HSPH1: variants seen among roughly 807,000 people sequenced by gnomAD.
HSPH1 encodes the protein heat shock protein family H (Hsp110) member 1, also known as heat shock protein 105 kDa.
A neutral mutation model predicts 100.0 loss-of-function variants in HSPH1; 40 were observed. The ratio of observed to expected loss-of-function variants is 0.40; its 90% confidence interval spans 0.31 to 0.52. The LOEUF (loss-of-function observed/expected upper bound fraction) is 0.52. Among genes scored for constraint, HSPH1 ranks in the 20% least tolerant of loss-of-function variants. The pLI is 0.54. For synonymous variants in HSPH1, 403 were observed against 344.0 expected (o/e 1.17, Z -1.90); for missense variants, 876 against 1,015.1 (o/e 0.86, Z 1.86).
intron 8 of HSPH1, among the ~76,000 whole-genome samples, chr13:31,149,303 A>G (rs1444366593): frequency 1.3e-5 from 2 of 152,292 alleles, no homozygotes; most frequent in African/African-American, 2.4e-5. Flanking sequence ...CTTTGTTTAC[A>G]GAATCCTGTT....
intron 1 of HSPH1, among the ~76,000 whole-genome samples, chr13:31,161,228 T>C (rs1243596796): frequency 1.3e-5 from 2 of 152,140 alleles, no homozygotes; most frequent in African/African-American, 4.8e-5. Context: ...TGACGACCCT[T>C]AGAGTCTCGA....
rs553965596 is a variant in HSPH1 at position 31,141,158 on chromosome 13, T to C, written c.1818A>G (p.Leu606=). 3 of 1,607,000 alleles carry C rather than the reference T, an allele frequency of 1.9e-6. No individual in the cohort carries two copies. The East Asian group carries it at 6.7e-5, about 36-fold the overall frequency. Residue 606 remains leucine (L), a synonymous_variant, in exon 13 of 18, where the codon TTA becomes TTG. Coordinates refer to ENST00000320027, the MANE Select transcript of HSPH1 (RefSeq NM_006644.4). The stretch of plus-strand genomic sequence containing the variant: ...TATACATGTTAAGAAGGTCTTTCCC[T>C]AACTGCCAGACCAAGTTGGCTTCAA... ...LPIEANLVWQ[L]GKDLLNMYIE...
intron 5 of HSPH1, chr13:31,152,367 G>A (rs558432374): frequency 6.5e-6 from 1 of 152,728 alleles, no homozygotes; most frequent in East Asian, 1.9e-4. Context: ...AAAAGCTCAA[G>A]AAAGAGATGC....
intron 11 of HSPH1, among the ~76,000 whole-genome samples, chr13:31,144,977 A>G (rs1172452363): frequency 6.6e-6 from 1 of 152,188 alleles, no homozygotes; most frequent in African/African-American, 2.4e-5. Context: ...TTCCCTAGAA[A>G]TAAACTGTAA....
chr13:31,158,727 C>A (rs891798901), intron 2 of HSPH1, 79 bp downstream of exon 2: 7 of 867,076 alleles, frequency 8.1e-6, no homozygotes, highest in Middle Eastern at 2.2e-4. Flanking sequence ...CACACTTTAC[C>A]CTCTTATATG....
intron 1 of HSPH1, among the ~76,000 whole-genome samples, chr13:31,159,928 C>T (rs930825410): frequency 8.5e-5 from 13 of 152,164 alleles, no homozygotes; most frequent in Admixed American, 3.3e-4. Flanking sequence ...TAACCATACA[C>T]TTGCAGAATG....
Position 31,148,404 on chromosome 13 carries a change from A to G in HSPH1, c.1214T>C (p.Ile405Thr). 1.9e-6 allele frequency: 3 copies of G among 1,586,184 alleles called. No individual in the cohort carries two copies. The highest frequency in any genetic ancestry group is 2.6e-6 in the Non-Finnish European group (3 of 1,163,366). The change falls in exon 9 of 18, where the codon ATC becomes ACC. Residue 405 changes from isoleucine (I) to threonine (T), a missense_variant. Physicochemically the swap from Ile to Thr is moderately conservative, Grantham distance 89. Transcript: ENST00000320027. ...TDAVPFPISL[I>T]WNHDSEDTEG... ...AGTATCTTCTGAATCATGGTTCCAG[A>G]TCAGAGATATTGGAAAAGGAACTGC... is the stretch of plus-strand genomic sequence containing the variant.
rs371307957 is a variant in HSPH1, at chr13:31,143,766, T to C, written c.1716+26A>G. The C allele has an allele frequency of 9.7e-5, 154 of 1,583,196 alleles. 3 individuals are homozygous for C. The East Asian group carries it at 9.8e-4, about 10-fold the overall frequency. ...GATTACACTTTGCAACATTGTCTAATGGAATGAACTAGAAGAGTCACTCAC... is the reference window on the plus strand; with the variant it reads ...GATTACACTTTGCAACATTGTCTAACGGAATGAACTAGAAGAGTCACTCAC... On this transcript the variant is annotated intron_variant, in intron 12 of 17. Transcript: ENST00000320027.
At chr13:31,140,398 G>A in intron 13 of HSPH1, 89 bp from the exon 14 acceptor site, 1 of 1,269,474 alleles carries the variant, frequency 7.9e-7, no homozygotes, top group South Asian at 1.5e-5. Context: ...TAAAAAAAAT[G>A]ATACAAAACA....
At chr13:31,154,776 GTTT>G in intron 3 of HSPH1, 21 bp from the exon 4 acceptor site, 2 of 1,605,062 alleles carry the variant, frequency 1.2e-6, no homozygotes, top group Non-Finnish European at 8.5e-7. Context: ...GGGAAAAAAT[GTTT>G]TAAACATTGT....
intron 1 of HSPH1, 116 bp downstream of exon 1, chr13:31,161,360 C>T (rs1956902539): frequency 1.3e-6 from 2 of 1,491,336 alleles, no homozygotes; most frequent in Admixed American, 4.2e-5. Flanking sequence ...AGGGGTGCGC[C>T]GCTGCCCAAA....
chr13:31,161,978 T>TCACCGGCGCCTC (rs866079307), upstream of HSPH1: 3 of 1,536,016 alleles, frequency 2.0e-6, no homozygotes, highest in East Asian at 2.4e-5. Context: ...CGGCATTTAC[T>TCACCGGCGCCTC]CACCGGCGCC....
At position 31,158,947 on chromosome 13, in the gene HSPH1, T is replaced by G; in HGVS notation, c.108-84A>C. 15 of 850,610 alleles carry G rather than the reference T, an allele frequency of 1.8e-5. No homozygotes were observed. The South Asian group carries it at 1.9e-4, about 11-fold the overall frequency. 52.7% of individuals were successfully genotyped at this position (850,610 alleles called of 1,614,324 possible). On this transcript the variant is annotated intron_variant, in intron 1 of 17. Coordinates refer to ENST00000320027, the MANE Select transcript of HSPH1 (RefSeq NM_006644.4). The stretch of plus-strand genomic sequence containing the variant: ...TAAGAGAAAAATACTAACATAAATG[T>G]CCTACCCATTAGGGGATAGGGAACA...
rs980879611 is a variant in HSPH1 at position 31,136,116 on chromosome 13, G to A, written c.*1202C>T. ...CTACCTCCAACACTACTTCAATTTT[G>A]TGCTTACAAAACAACCAGATAGATT... On this transcript the variant is annotated 3_prime_UTR_variant, in exon 18 of 18. Coordinates refer to ENST00000320027, the MANE Select transcript of HSPH1 (RefSeq NM_006644.4). 2.0e-5 allele frequency: 3 copies of A among 151,988 alleles called. No homozygotes were observed. Among genetic ancestry groups the A allele is most frequent in the Non-Finnish European group, 4.4e-5 (3 of 67,998 alleles). The allele number at this position is 151,988 out of a possible 1,614,324, so 9.4% of individuals were successfully genotyped here.
chr13:31,147,366 G>A (rs1200672151), intron 10 of HSPH1, among the ~76,000 whole-genome samples: 1 of 152,106 alleles, frequency 6.6e-6, no homozygotes, highest in African/African-American at 2.4e-5. Context: ...TTTATGAAAA[G>A]GTGTGAGGCA....
chr13:31,162,030 C>A (rs985647143), upstream of HSPH1: 1 of 1,536,150 alleles, frequency 6.5e-7, no homozygotes, highest in Non-Finnish European at 8.7e-7. Context: ...TCCTTCTTCT[C>A]GAGCCTTCTG....
chr13:31,149,676 G>C (rs978126965), intron 8 of HSPH1, among the ~76,000 whole-genome samples: 3 of 152,114 alleles, frequency 2.0e-5, no homozygotes, highest in Admixed American at 1.3e-4. Context: ...CTACTACACA[G>C]CTAATTAGTG....
chr13:31,141,349 G>A, intron 12 of HSPH1, 90 bp from the exon 13 acceptor site: 1 of 1,053,522 alleles, frequency 9.5e-7, no homozygotes, highest in Non-Finnish European at 1.4e-6. Context: ...CTGATGACTT[G>A]GGCAAAAATA....
intron 1 of HSPH1, among the ~76,000 whole-genome samples, chr13:31,160,032 C>T (rs1236176141): frequency 6.6e-6 from 1 of 152,176 alleles, no homozygotes; most frequent in African/African-American, 2.4e-5. Context: ...TATAGTTTAA[C>T]AAACATATTA....
Sources: allele counts gnomAD v4.1 joint callset (sites outside exome capture counted in the v4.1 genomes callset), GRCh38; gene constraint gnomAD v4.1.1; transcripts MANE v1.5; gene names NCBI Gene and HGNC (gene_info 2026-07-23, HGNC 2026-07-21).